The following MEIS1 variants were observed in gnomAD, a reference collection of about 807,000 sequenced individuals.
MEIS1 encodes the protein homeobox protein Meis1.
In MEIS1, 5 loss-of-function variants were observed where a neutral mutation model predicts 50.8. The observed-to-expected ratio is 0.10, with a 90% confidence interval of 0.05 to 0.21. The LOEUF is 0.21. Ranked by LOEUF, MEIS1 falls within the 10% of genes least tolerant of loss-of-function variation. MEIS1 has a pLI of 1.00. For missense variants in MEIS1, 318 were observed against 517.3 expected (o/e 0.61, Z 3.74); for synonymous variants, 176 against 179.3 (o/e 0.98, Z 0.15).
intron 8 of MEIS1, among the ~76,000 whole-genome samples, chr2:66,527,099 C>T (rs1341540774): frequency 6.6e-6 from 1 of 152,114 alleles, no homozygotes; most frequent in African/African-American, 2.4e-5. Context: ...AAATAGCATA[C>T]GTTTGAATTT....
intron 8 of MEIS1, among the ~76,000 whole-genome samples, chr2:66,536,602 A>T (rs1382780062): frequency 4.6e-5 from 7 of 152,214 alleles, no homozygotes; most frequent in Admixed American, 2.6e-4. Context: ...TTGAAAATAA[A>T]TTTCACTCAG....
intron 7 of MEIS1, among the ~76,000 whole-genome samples, chr2:66,502,838 C>T (rs1321359825): frequency 1.3e-5 from 2 of 152,160 alleles, no homozygotes; most frequent in Non-Finnish European, 2.9e-5. Flanking sequence ...AACTCTTCTT[C>T]CCCCTTATTC....
At chr2:66,550,738 TC>T (rs1674899459) in intron 9 of MEIS1, among the ~76,000 whole-genome samples, 1 of 152,040 alleles carries the variant, frequency 6.6e-6, no homozygotes, top group African/African-American at 2.4e-5. Context: ...GCTCAAGAGA[TC>T]CACCCACTTC....
At chr2:66,447,486 A>G (rs1672180916) in intron 6 of MEIS1, among the ~76,000 whole-genome samples, 1 of 152,226 alleles carries the variant, frequency 6.6e-6, no homozygotes, top group African/African-American at 2.4e-5. Flanking sequence ...CTCTTTAATG[A>G]TTAAATAATA....
chr2:66,502,931 G>A (rs1265747815), intron 7 of MEIS1, among the ~76,000 whole-genome samples: 1 of 152,268 alleles, frequency 6.6e-6, no homozygotes, highest in East Asian at 1.9e-4. Context: ...TGCTGAGCTG[G>A]CTTTGGGACC....
chr2:66,528,844 G>A (rs1674321042), intron 8 of MEIS1, among the ~76,000 whole-genome samples: 2 of 152,074 alleles, frequency 1.3e-5, no homozygotes, highest in Non-Finnish European at 2.9e-5. Context: ...CATCCGTGGT[G>A]TGCCACTCAA....
chr2:66,541,533 A>C (rs1342008497), intron 8 of MEIS1, among the ~76,000 whole-genome samples: 1 of 152,206 alleles, frequency 6.6e-6, no homozygotes, highest in Non-Finnish European at 1.5e-5. Context: ...CTCCACTGGC[A>C]ACTTCTTTTA....
At chr2:66,457,514 TCTC>T (rs1305183432) in intron 6 of MEIS1, among the ~76,000 whole-genome samples, 10 of 152,292 alleles carry the variant, frequency 6.6e-5, no homozygotes, top group African/African-American at 2.2e-4. Flanking sequence ...CCCCTTCTCT[TCTC>T]CTCATTTCTC....
Position 66,435,311 on chromosome 2 carries a change from AAG to A in MEIS1, c.-534_-533del, listed in dbSNP as rs1003171589. 30 of 157,124 alleles carry A rather than the reference AAG, an allele frequency of 1.9e-4. No individual in the cohort carries two copies. The highest frequency in any genetic ancestry group is 3.7e-4 in the East Asian group (2 of 5,438). The allele number at this position is 157,124 out of a possible 1,614,324, so 9.7% of individuals were successfully genotyped here. A position where few individuals can be genotyped will look rare whatever the true frequency, so the allele number is the denominator to read the frequency against. ...AGAGGGAGAGAGAGGGAGAGAAAGA[AAG>A]AGAGAGAGAGAAGAGAGAAACTGAT... On this transcript the variant is annotated 5_prime_UTR_variant, in exon 1 of 13. Coordinates refer to ENST00000272369, the MANE Select transcript of MEIS1 (RefSeq NM_002398.3).
intron 7 of MEIS1, among the ~76,000 whole-genome samples, chr2:66,481,745 T>A (rs1173515832): frequency 6.6e-6 from 1 of 152,178 alleles, no homozygotes; most frequent in East Asian, 1.9e-4. Context: ...TTGGTTTTAT[T>A]CCATCTACTG....
chr2:66,518,748 C>T (rs971046089), intron 8 of MEIS1, among the ~76,000 whole-genome samples: 9 of 152,216 alleles, frequency 5.9e-5, no homozygotes, highest in Admixed American at 1.3e-4. Context: ...AATCCAACCC[C>T]TAGGAATTTT....
intron 1 of MEIS1, 47 bp downstream of exon 1, chr2:66,435,915 G>T: frequency 1.3e-6 from 2 of 1,526,692 alleles, no homozygotes; most frequent in South Asian, 1.3e-5. Context: ...AGATTAAATT[G>T]AAACGTGGCC....
At chr2:66,521,382 G>T (rs1187223913) in intron 8 of MEIS1, among the ~76,000 whole-genome samples, 1 of 149,404 alleles carries the variant, frequency 6.7e-6, no homozygotes, top group Non-Finnish European at 1.5e-5. Context: ...TGCCTGTCAC[G>T]TGGCCTGGAC....
At chr2:66,503,037 A>G (rs1673594496) in intron 7 of MEIS1, among the ~76,000 whole-genome samples, 2 of 152,192 alleles carry the variant, frequency 1.3e-5, no homozygotes, top group African/African-American at 4.8e-5. Context: ...CTGTGCCTAA[A>G]TTGGGGTCTA....
chr2:66,510,914 T>C (rs1441764882), intron 7 of MEIS1, among the ~76,000 whole-genome samples: 3 of 152,218 alleles, frequency 2.0e-5, no homozygotes, highest in Admixed American at 2.0e-4. Context: ...CCTGAGGCTA[T>C]GTGCAGGAAA....
chr2:66,528,223 A>G (rs948822932), intron 8 of MEIS1, among the ~76,000 whole-genome samples: 5 of 152,190 alleles, frequency 3.3e-5, no homozygotes, highest in African/African-American at 1.2e-4. Context: ...GGCCAAAGAT[A>G]GAATTTGGGG....
Position 66,571,408 on chromosome 2 carries a change from C to A in MEIS1, c.*200C>A. On this transcript the variant is annotated 3_prime_UTR_variant, in exon 13 of 13. Transcript: ENST00000272369. Reference sequence around the variant, plus strand: ...ATTCCTGGACACCCTCACCACCCAACAGTGATGATGCATGGAGGACCGCCC... The same window carrying A: ...ATTCCTGGACACCCTCACCACCCAAAAGTGATGATGCATGGAGGACCGCCC... 6.2e-7 allele frequency: 1 copy of A among 1,606,502 alleles called. No individual in the cohort carries two copies. Among genetic ancestry groups the A allele is most frequent in the East Asian group, 2.2e-5 (1 of 44,622 alleles).
chr2:66,454,611 T>A (rs901478394), intron 6 of MEIS1: 9 of 152,292 alleles, frequency 5.9e-5, no homozygotes, highest in East Asian at 1.9e-4. Context: ...TTTCATTTTT[T>A]AAATTTTTTT....
intron 6 of MEIS1, among the ~76,000 whole-genome samples, chr2:66,455,414 G>A (rs558664816): frequency 1.3e-5 from 2 of 152,132 alleles, no homozygotes; most frequent in South Asian, 4.1e-4. Flanking sequence ...TTAAAGAATT[G>A]GGCAAAAAGT....
Sources: allele counts gnomAD v4.1 joint callset (sites outside exome capture counted in the v4.1 genomes callset), GRCh38; gene constraint gnomAD v4.1.1; transcripts MANE v1.5; gene names NCBI Gene and HGNC (gene_info 2026-07-23, HGNC 2026-07-21).